The following LRRC43 variants were observed in gnomAD, a reference collection of about 807,000 sequenced individuals.
LRRC43 encodes the protein leucine-rich repeat-containing protein 43.
In LRRC43, 62 loss-of-function variants were observed where a neutral mutation model predicts 64.3. The observed-to-expected ratio is 0.96, with a 90% CI of 0.79 to 1.19. The LOEUF (loss-of-function observed/expected upper bound fraction) is 1.19, where lower values mean the gene tolerates loss of function less well. LRRC43 is among the 50% of genes most tolerant of loss of function. The pLI is 0.00. For synonymous variants in LRRC43, 422 were observed against 382.3 expected (o/e 1.10, Z -1.21); for missense variants, 868 against 845.0 (o/e 1.03, Z -0.34).
At chr12:122,182,322 G>C (rs922266455), upstream of LRRC43, among the ~76,000 whole-genome samples, 1 of 152,036 alleles carries the variant, frequency 6.6e-6, no homozygotes, top group East Asian at 1.9e-4. Context: ...TCAGGAGTTC[G>C]AGACCAGCCT....
At chr12:122,187,436 T>C (rs1428256161) in intron 3 of LRRC43, 2 of 402,238 alleles carry the variant, frequency 5.0e-6, no homozygotes, top group South Asian at 3.5e-5. Context: ...CCAGATGTTA[T>C]GCAGCTCCCC....
chr12:122,174,292 A>G (rs1321676115), intron 1 of LRRC43: 55 of 1,155,306 alleles, frequency 4.8e-5, no homozygotes, highest in Non-Finnish European at 6.8e-5. Context: ...CGTCCCGCCC[A>G]TGGCAAAACC....
In LRRC43 at chr12:122,188,953, C is replaced by T. The variant is rs564368279; in HGVS notation, c.662+1113C>T. Among the ~76,000 whole-genome samples, 8 of 152,084 alleles carry T rather than the reference C, an allele frequency of 5.3e-5. No homozygotes were observed. The East Asian group carries it at 1.5e-3, about 29-fold the overall frequency. ...TCTGAGCCTGATGTCCCCTGAGCAG[C>T]AAAATCCCCCCAAGCTGAGAACCAC... On this transcript the variant is annotated intron_variant, in intron 4 of 11. Coordinates refer to ENST00000339777, the MANE Select transcript of LRRC43 (RefSeq NM_001098519.2).
chr12:122,189,566 T>C (rs1415298218), intron 4 of LRRC43: 3 of 449,840 alleles, frequency 6.7e-6, no homozygotes, highest in South Asian at 4.7e-5. Flanking sequence ...CCACAGGCCT[T>C]GGCCCGTGCT....
chr12:122,169,604 T>C (rs1002982302), intron 1 of LRRC43, among the ~76,000 whole-genome samples: 1 of 150,412 alleles, frequency 6.6e-6, no homozygotes, highest in Admixed American at 6.7e-5. Context: ...TAGTCCCAGC[T>C]ATTCTGGAGG....
chr12:122,184,149 C>A lies in LRRC43; in HGVS notation c.151-370C>A, dbSNP rs1299286412. On this transcript the variant is annotated intron_variant, in intron 1 of 11. Transcript: ENST00000339777. This position sits in a 1 kb window ranked among gnomAD's most constrained non-coding sequence, Gnocchi z 4.0. ...TCGCTCTGTCACCCAGCCTGGAGTGCAGTGGCGTGATCTCGGCTCACTGCA... is the reference window on the plus strand; with the variant it reads ...TCGCTCTGTCACCCAGCCTGGAGTGAAGTGGCGTGATCTCGGCTCACTGCA... Among the ~76,000 whole-genome samples the A allele has an allele frequency of 6.7e-6, 1 of 148,642 alleles. No homozygotes were observed. Among genetic ancestry groups the A allele is most frequent in the Non-Finnish European group, 1.5e-5 (1 of 67,556 alleles).
chr12:122,203,277 G>A, intron 11 of LRRC43, 38 bp from the exon 12 acceptor site: 1 of 1,599,660 alleles, frequency 6.3e-7, no homozygotes. Context: ...CAGCCCATCC[G>A]TCTCCCGGGG....
At position 122,191,529 on chromosome 12, in the gene LRRC43, G is replaced by A; in HGVS notation, c.1051G>A (p.Glu351Lys). The change falls in exon 6 of 12, where the codon GAA becomes AAA. Residue 351 changes from glutamate (E) to lysine (K), a missense_variant. Transcript: ENST00000339777. ...YVTYDFVKDE[E>K]GEMNESAGVL... Reference sequence around the variant, plus strand: ...GACCTATGATTTTGTGAAAGATGAAGAAGGCGAAATGAATGAGTCCGCGGG... The same window carrying A: ...GACCTATGATTTTGTGAAAGATGAAAAAGGCGAAATGAATGAGTCCGCGGG... The A allele has an allele frequency of 6.2e-7, 1 of 1,614,154 alleles. No homozygotes were observed.
chr12:122,200,974 C>T lies in LRRC43; in HGVS notation c.1809+40C>T, dbSNP rs769194682. ...TAGCCACATCCTCCACCTCTGCCTT[C>T]GCCCTCCCCATGGGAACCCCGCGGG... On this transcript the variant is annotated intron_variant, in intron 10 of 11. Transcript: ENST00000339777. This position sits in a 1 kb window ranked among gnomAD's most constrained non-coding sequence, Gnocchi z 4.6. The T allele has an allele frequency of 1.1e-5, 17 of 1,544,022 alleles. No homozygotes were observed. The highest frequency in any genetic ancestry group is 4.5e-5 in the East Asian group (2 of 44,418).
At chr12:122,202,023 C>T (rs1953846974) in intron 11 of LRRC43, 1 of 152,306 alleles carries the variant, frequency 6.6e-6, no homozygotes, top group Non-Finnish European at 1.5e-5. Flanking sequence ...ACTCAGGAGA[C>T]TGAGGCAGGA....
chr12:122,175,375 G>A (rs1304296906), intron 1 of LRRC43, among the ~76,000 whole-genome samples: 3 of 151,836 alleles, frequency 2.0e-5, no homozygotes, highest in African/African-American at 7.2e-5. Flanking sequence ...CACTATGTTG[G>A]CCAGGCTGGT....
rs537053605 is a variant in LRRC43, at chr12:122,203,261, G to C, written c.1844-54G>C. ...ATATGGGATGGGTCAGGGCGGCCGA[G>C]AACGCCAGCCCATCCGTCTCCCGGG... On this transcript the variant is annotated intron_variant, in intron 11 of 11. Coordinates refer to ENST00000339777, the MANE Select transcript of LRRC43 (RefSeq NM_001098519.2). 7 of 1,590,806 alleles carry C rather than the reference G, an allele frequency of 4.4e-6. No homozygotes were observed. In the East Asian group the frequency reaches 1.3e-4, roughly 31 times the overall value.
chr12:122,179,244 G>A (rs144688784), upstream of LRRC43, among the ~76,000 whole-genome samples: 78 of 152,170 alleles, frequency 5.1e-4, no homozygotes, highest in African/African-American at 1.8e-3. Flanking sequence ...ATAGGCACAC[G>A]GCATACCACC....
intron 3 of LRRC43, among the ~76,000 whole-genome samples, chr12:122,186,585 A>G (rs974970501): frequency 6.6e-6 from 1 of 152,220 alleles, no homozygotes; most frequent in African/African-American, 2.4e-5. Context: ...AAGGGTGGAC[A>G]CAACTCAAGG....
In LRRC43 at chr12:122,192,998, C is replaced by T; in HGVS notation, c.1343C>T (p.Ser448Phe). Residue 448 changes from serine to phenylalanine, a missense_variant, in exon 7 of 12, where the codon TCC becomes TTC. Physicochemically the swap from Ser to Phe is radical, Grantham distance 155. Coordinates refer to ENST00000339777, the MANE Select transcript of LRRC43 (RefSeq NM_001098519.2). ...RLRIDPRLCP[S>F]PGTVLFSTAH... ...CGTATAGATCCCCGGCTCTGCCCGT[C>T]CCCAGGGTAAGGATGGAAATCTGAA... 6.2e-7 allele frequency: 1 copy of T among 1,613,352 alleles called. No individual in the cohort carries two copies. The highest frequency in any genetic ancestry group is 1.7e-5 in the Admixed American group (1 of 59,954).
In LRRC43 at chr12:122,191,593, T is replaced by G. The variant is rs78964747; in HGVS notation, c.1089+26T>G. 419 of 1,580,524 alleles carry G rather than the reference T, an allele frequency of 2.7e-4. 5 individuals carry two copies. The East Asian group carries it at 9.4e-3, about 36-fold the overall frequency. Reference sequence around the variant, plus strand: ...GTGTGCCCTGGTCTGTCCCTAGGAGTATGGGGGGCTCTTGTGAAGGCTGAA... The same window carrying G: ...GTGTGCCCTGGTCTGTCCCTAGGAGGATGGGGGGCTCTTGTGAAGGCTGAA... On this transcript the variant is annotated intron_variant, in intron 6 of 11. Coordinates refer to ENST00000339777, the MANE Select transcript of LRRC43 (RefSeq NM_001098519.2).
chr12:122,192,864 G>T lies in LRRC43; in HGVS notation c.1209G>T (p.Glu403Asp). The change falls in exon 7 of 12, where the codon GAG (glutamate) becomes GAT (aspartate). Residue 403 changes from glutamate (E) to aspartate (D), a missense_variant. Coordinates refer to ENST00000339777, the MANE Select transcript of LRRC43 (RefSeq NM_001098519.2). ...CTGAAGAGGTCGAAGGGTCTCTGGAGTCTGAGGTGGAGGAGTCAGGAGAGT... is the reference window on the plus strand; with the variant it reads ...CTGAAGAGGTCGAAGGGTCTCTGGATTCTGAGGTGGAGGAGTCAGGAGAGT... The part of the protein sequence containing the change: ...EVTEEVEGSL[E>D]SEVEESGESE... 1 of 1,613,666 alleles carries T rather than the reference G, an allele frequency of 6.2e-7. No homozygotes were observed. Among genetic ancestry groups the T allele is most frequent in the Non-Finnish European group, 8.5e-7 (1 of 1,180,036 alleles).
intron 7 of LRRC43, among the ~76,000 whole-genome samples, chr12:122,194,171 C>G (rs1027441297): frequency 3.3e-5 from 5 of 151,720 alleles, no homozygotes; most frequent in African/African-American, 1.2e-4. Flanking sequence ...TTTATATAAT[C>G]CATGTCTTGC....
intron 7 of LRRC43, among the ~76,000 whole-genome samples, chr12:122,193,743 A>G (rs1953747188): frequency 6.6e-6 from 1 of 152,162 alleles, no homozygotes; most frequent in African/African-American, 2.4e-5. Context: ...TAGTTTTAGT[A>G]AAGATGGGGT....
Sources: gnomAD v4.1 joint callset for allele counts (sites outside exome capture counted in the v4.1 genomes callset) on GRCh38, gnomAD v4.1.1 for gene constraint, Gnocchi (gnomAD v3.1) non-coding constraint, MANE v1.5 for transcripts, NCBI Gene and HGNC (gene_info 2026-07-23, HGNC 2026-07-21) for gene names.